TMEM108: variants seen among roughly 807,000 people sequenced by gnomAD.
The protein encoded by TMEM108 is transmembrane protein 108, also known as cancer/testis antigen 124.
A neutral mutation model predicts 35.1 loss-of-function variants in TMEM108; 12 were observed. The ratio of observed to expected loss-of-function variants is 0.34; its 90% CI spans 0.22 to 0.55. The LOEUF (loss-of-function observed/expected upper bound fraction) is 0.55, where lower values mean the gene tolerates loss of function less well. Among genes scored for constraint, TMEM108 ranks in the 20% least tolerant of loss-of-function variants. TMEM108 has a pLI of 0.89. For synonymous variants in TMEM108, 287 were observed against 308.6 expected (o/e 0.93, Z 0.73); for missense variants, 680 against 753.3 (o/e 0.90, Z 1.14).
Position 133,110,387 on chromosome 3 carries a change from G to A in TMEM108, c.-47+64367G>A, listed in dbSNP as rs76293852. Among the ~76,000 whole-genome samples, 11 of 152,284 alleles carry A rather than the reference G, an allele frequency of 7.2e-5. No homozygotes were observed. In the East Asian group the frequency reaches 2.1e-3, roughly 29 times the overall value. The stretch of plus-strand genomic sequence containing the variant: ...GTAGCTCTACATCAGTCCTGCCACT[G>A]TGGACCATGTTTACACCAGTAGGTT... On this transcript the variant is annotated intron_variant, in intron 2 of 5. Transcript: ENST00000321871.
chr3:133,238,415 A>T (rs529867994), intron 3 of TMEM108, among the ~76,000 whole-genome samples: 1 of 152,354 alleles, frequency 6.6e-6, no homozygotes, highest in East Asian at 1.9e-4. Flanking sequence ...ATGAACCACT[A>T]AAAAAGACAA....
intron 2 of TMEM108, among the ~76,000 whole-genome samples, chr3:133,104,013 A>G (rs917001121): frequency 1.3e-5 from 2 of 152,206 alleles, no homozygotes; most frequent in Non-Finnish European, 1.5e-5. Context: ...TCAAAGAAGT[A>G]TTCATAAGAT....
chr3:133,069,185 A>G (rs2107688031), intron 2 of TMEM108, among the ~76,000 whole-genome samples: 1 of 152,342 alleles, frequency 6.6e-6, no homozygotes, highest in Non-Finnish European at 1.5e-5. Context: ...GCTCTGGTTT[A>G]GAAGACTTTA....
intron 3 of TMEM108, among the ~76,000 whole-genome samples, chr3:133,363,553 G>A (rs574734691): frequency 5.0e-4 from 76 of 151,826 alleles, no homozygotes; most frequent in Non-Finnish European, 8.1e-4. Context: ...CGACAGGTGC[G>A]CACCACCACA....
chr3:133,338,378 A>G (rs552960079), intron 3 of TMEM108, among the ~76,000 whole-genome samples: 1 of 152,288 alleles, frequency 6.6e-6, no homozygotes, highest in East Asian at 1.9e-4. Flanking sequence ...TGGAAACCTT[A>G]CAGGCCAAGA....
chr3:133,135,302 A>G (rs1414220509), intron 2 of TMEM108, among the ~76,000 whole-genome samples: 1 of 152,200 alleles, frequency 6.6e-6, no homozygotes, highest in African/African-American at 2.4e-5. Context: ...TGTAATTGCA[A>G]TGTAAACTAA....
chr3:133,318,936 G>A (rs553679925), intron 3 of TMEM108, among the ~76,000 whole-genome samples: 603 of 47,966 alleles, frequency 0.013, 2 homozygotes, highest in African/African-American at 0.044. Context: ...AAAAAACTCA[G>A]GGGAAGTGTA....
intron 4 of TMEM108, among the ~76,000 whole-genome samples, chr3:133,381,914 T>C (rs149876133): frequency 1.3e-5 from 2 of 152,040 alleles, no homozygotes; most frequent in Non-Finnish European, 2.9e-5. Flanking sequence ...ATTGTGGACC[T>C]TGTCCTTAGT....
chr3:133,342,555 T>TATATATATACACAC (rs60991711), intron 3 of TMEM108, among the ~76,000 whole-genome samples: 1 of 63,424 alleles, frequency 1.6e-5, no homozygotes, highest in Admixed American at 1.5e-4. Flanking sequence ...TATATATATA[T>TATATATATACACAC]ACACACACAC....
chr3:133,343,947 A>C (rs755745923), intron 3 of TMEM108, among the ~76,000 whole-genome samples: 1 of 151,888 alleles, frequency 6.6e-6, no homozygotes, highest in Non-Finnish European at 1.5e-5. Context: ...ACTTATACAC[A>C]ACCTTTTTCC....
intron 2 of TMEM108, among the ~76,000 whole-genome samples, chr3:133,207,835 A>G (rs1195033818): frequency 6.6e-6 from 1 of 152,194 alleles, no homozygotes; most frequent in African/African-American, 2.4e-5. Flanking sequence ...ATTAGAATTC[A>G]AACATACCAC....
chr3:133,316,785 T>C (rs1340530423), intron 3 of TMEM108, among the ~76,000 whole-genome samples: 1 of 152,120 alleles, frequency 6.6e-6, no homozygotes, highest in Non-Finnish European at 1.5e-5. Flanking sequence ...GGTCCTCAGT[T>C]TGTAGTGGGC....
At position 133,184,477 on chromosome 3, in the gene TMEM108, C is replaced by T. The variant is rs117636810; in HGVS notation, c.-46-44789C>T. 8.5e-5 allele frequency among the ~76,000 whole-genome samples: 13 copies of T among 152,098 alleles called. No individual in the cohort carries two copies. In the East Asian group the frequency reaches 2.3e-3, roughly 27 times the overall value. On this transcript the variant is annotated intron_variant, in intron 2 of 5. Transcript: ENST00000321871. ...GGCAAAGAACTCTTTAAGATACTTG[C>T]GAAGAAATTTGAGTGCAGAATCTTA...
Position 133,271,914 on chromosome 3 carries a change from T to G in TMEM108, c.40+42563T>G, listed in dbSNP as rs181350627. Among the ~76,000 whole-genome samples the G allele has an allele frequency of 3.3e-5, 5 of 152,328 alleles. No individual in the cohort carries two copies. In the East Asian group the frequency reaches 7.7e-4, roughly 23 times the overall value. On this transcript the variant is annotated intron_variant, in intron 3 of 5. Coordinates refer to ENST00000321871, the MANE Select transcript of TMEM108 (RefSeq NM_023943.4). ...AAAGAGAAATTTTACATGATCTCTG[T>G]GTTCAAAGACCTCATGTACTTGATA...
intron 2 of TMEM108, among the ~76,000 whole-genome samples, chr3:133,191,211 A>G (rs1391260906): frequency 6.6e-6 from 1 of 152,188 alleles, no homozygotes; most frequent in Admixed American, 6.5e-5. Flanking sequence ...TTTAAGAAAA[A>G]TACATAGAGG....
In TMEM108 at chr3:133,349,252, CAG is replaced by C. The variant is rs145602255; in HGVS notation, c.41-30497_41-30496del. 3.2e-3 allele frequency among the ~76,000 whole-genome samples: 486 copies of C among 152,210 alleles called. 2 individuals carry two copies. The highest frequency in any genetic ancestry group is 4.7e-3 in the Non-Finnish European group (323 of 68,008). On this transcript the variant is annotated intron_variant, in intron 3 of 5. Coordinates refer to ENST00000321871, the MANE Select transcript of TMEM108 (RefSeq NM_023943.4). ...TCAAAGTCCCATCACAGGAACATAA[CAG>C]AGGAGGCATTCAAATCTAGGGTTGA...
intron 3 of TMEM108, among the ~76,000 whole-genome samples, chr3:133,324,850 C>T (rs990894400): frequency 2.6e-5 from 4 of 152,142 alleles, no homozygotes; most frequent in African/African-American, 9.7e-5. Flanking sequence ...GTGGCGGGCA[C>T]CTGCGATCCC....
rs574024102 is a variant in TMEM108 at position 133,178,192 on chromosome 3, T to C, written c.-46-51074T>C. Among the ~76,000 whole-genome samples, 9 of 152,324 alleles carry C rather than the reference T, an allele frequency of 5.9e-5. No individual in the cohort carries two copies. The East Asian group carries it at 1.5e-3, about 26-fold the overall frequency. ...TACAAACAAATGGAAGAACATTCCA[T>C]ACTCATGGATAGGAAGAATCAATAT... On this transcript the variant is annotated intron_variant, in intron 2 of 5. Transcript: ENST00000321871.
intron 2 of TMEM108, among the ~76,000 whole-genome samples, chr3:133,095,347 A>C (rs1442776296): frequency 1.3e-5 from 2 of 152,140 alleles, no homozygotes; most frequent in African/African-American, 4.8e-5. Flanking sequence ...TGCAAAACAA[A>C]AATTCTCCAT....
Sources: allele counts gnomAD v4.1 joint callset (sites outside exome capture counted in the v4.1 genomes callset), GRCh38; gene constraint gnomAD v4.1.1; transcripts MANE v1.5; gene names NCBI Gene and HGNC (gene_info 2026-07-23, HGNC 2026-07-21).